The following ST3GAL3 variants were observed in gnomAD, a reference collection of about 807,000 sequenced individuals.
The protein encoded by ST3GAL3 is CMP-N-acetylneuraminate-beta-1,4-galactoside alpha-2,3-sialyltransferase.
Under a neutral mutation model 50.1 loss-of-function variants are expected in ST3GAL3, and 21 were observed. The observed-to-expected ratio is 0.42, with a 90% CI of 0.30 to 0.60. The LOEUF is 0.60. ST3GAL3 is among the 20% of genes least tolerant of loss of function. The pLI, the probability that ST3GAL3 is intolerant of heterozygous loss-of-function variation, is 0.19. For synonymous variants in ST3GAL3, 183 were observed against 190.0 expected, an observed-to-expected ratio of 0.96 and a Z score of 0.30; for missense variants, 353 against 489.4, an observed-to-expected ratio of 0.72 and a Z score of 2.63.
chr1:43,832,105 A>ATC (rs1442157576), intron 4 of ST3GAL3, among the ~76,000 whole-genome samples: 1 of 152,192 alleles, frequency 6.6e-6, no homozygotes, highest in Admixed American at 6.5e-5. Flanking sequence ...GTCACAGCAG[A>ATC]TCTCTGGTGG....
chr1:43,778,644 CT>C (rs35726867), intron 2 of ST3GAL3, among the ~76,000 whole-genome samples: 24,444 of 117,768 alleles, frequency 0.21, 818 homozygotes, highest in Middle Eastern at 0.25. Context: ...TTCTTTTTTT[CT>C]TTTTTTTTTT....
Position 43,811,076 on chromosome 1 carries a change from G to C in ST3GAL3, c.167-3815G>C, listed in dbSNP as rs568716496. On this transcript the variant is annotated intron_variant, in intron 3 of 11. Coordinates refer to ENST00000347631, the MANE Select transcript of ST3GAL3 (RefSeq NM_006279.5). Reference sequence around the variant, plus strand: ...AGACATCTTCATTTTGTCTCCTACTGTTCCCTTAAAATGTTTTCATGTCTT... The same window carrying C: ...AGACATCTTCATTTTGTCTCCTACTCTTCCCTTAAAATGTTTTCATGTCTT... Among the ~76,000 whole-genome samples the C allele has an allele frequency of 2.0e-4, 31 of 152,264 alleles. No individual in the cohort carries two copies. The South Asian group carries it at 5.6e-3, about 28-fold the overall frequency.
chr1:43,844,283 C>T lies in ST3GAL3; in HGVS notation c.302+5972C>T, dbSNP rs115765422. On this transcript the variant is annotated intron_variant, in intron 5 of 11. Coordinates refer to ENST00000347631, the MANE Select transcript of ST3GAL3 (RefSeq NM_006279.5). ...CAACCTTCAGCCCTTTTCCCATCCC[C>T]GAGGTCAGAGGGTGAGACTGAAAGT... 1.1e-3 allele frequency among the ~76,000 whole-genome samples: 167 copies of T among 152,288 alleles called. 2 individuals carry two copies. Among genetic ancestry groups the T allele is most frequent in the African/African-American group, 3.8e-3 (156 of 41,566 alleles).
chr1:43,738,102 T>C (rs908528778), intron 2 of ST3GAL3: 1 of 152,060 alleles, frequency 6.6e-6, no homozygotes, highest in African/African-American at 2.4e-5. Context: ...ATATTCTACC[T>C]GGTAAAAAGA....
At chr1:43,768,893 A>G (rs1458093399) in intron 2 of ST3GAL3, among the ~76,000 whole-genome samples, 1 of 152,152 alleles carries the variant, frequency 6.6e-6, no homozygotes, top group Non-Finnish European at 1.5e-5. Flanking sequence ...CTCCTTACTC[A>G]TTTTTTTGAG....
chr1:43,718,224 C>G (rs1223707158), intron 1 of ST3GAL3, among the ~76,000 whole-genome samples: 4 of 115,412 alleles, frequency 3.5e-5, no homozygotes, highest in Non-Finnish European at 6.7e-5. Context: ...GAGTCTTGCT[C>G]TGTCGCCCAG....
intron 2 of ST3GAL3, among the ~76,000 whole-genome samples, chr1:43,780,575 A>G (rs1379924552): frequency 1.3e-5 from 2 of 151,892 alleles, no homozygotes; most frequent in African/African-American, 4.8e-5. Context: ...CTTGTCCTTT[A>G]ATCTTTTAAA....
chr1:43,856,530 G>A (rs2068417256), intron 5 of ST3GAL3, among the ~76,000 whole-genome samples: 2 of 152,190 alleles, frequency 1.3e-5, no homozygotes, highest in South Asian at 4.1e-4. Context: ...TACCTGCTGT[G>A]TTGAAATCCT....
chr1:43,895,692 CTG>C (rs1310730374), intron 6 of ST3GAL3, among the ~76,000 whole-genome samples: 1 of 152,202 alleles, frequency 6.6e-6, no homozygotes, highest in Non-Finnish European at 1.5e-5. Context: ...AGGAAAAACA[CTG>C]TTGAACTGGC....
intron 4 of ST3GAL3, 65 bp downstream of exon 4, chr1:43,814,998 T>C: frequency 6.7e-7 from 1 of 1,494,876 alleles, no homozygotes; most frequent in African/African-American, 1.4e-5. Context: ...GGGTCTCACT[T>C]TGAAGGGTCA....
intron 4 of ST3GAL3, among the ~76,000 whole-genome samples, chr1:43,831,098 G>T: frequency 6.6e-6 from 1 of 152,208 alleles, no homozygotes; most frequent in East Asian, 1.9e-4. Flanking sequence ...AAGGAAACCA[G>T]TTGTGTCTTA....
chr1:43,805,475 G>T (rs532821270), intron 3 of ST3GAL3, among the ~76,000 whole-genome samples: 1 of 152,338 alleles, frequency 6.6e-6, no homozygotes, highest in African/African-American at 2.4e-5. Flanking sequence ...TTCTGGAAGG[G>T]CTGGAGAGCA....
chr1:43,784,337 C>T (rs1225686552), intron 2 of ST3GAL3, among the ~76,000 whole-genome samples: 2 of 151,946 alleles, frequency 1.3e-5, no homozygotes, highest in East Asian at 1.9e-4. Flanking sequence ...GGTGAAACCC[C>T]GTCTGTACTA....
chr1:43,720,826 T>C (rs1337601566), intron 1 of ST3GAL3, among the ~76,000 whole-genome samples: 1 of 152,164 alleles, frequency 6.6e-6, no homozygotes, highest in African/African-American at 2.4e-5. Context: ...AATGTATACG[T>C]GAATGTTCAT....
rs1558075763 is a variant in ST3GAL3, at chr1:43,737,591, G to T, written c.118+1211G>T. The T allele has an allele frequency of 6.6e-6, 1 of 152,116 alleles. No individual in the cohort carries two copies. Among genetic ancestry groups the T allele is most frequent in the African/African-American group, 2.4e-5 (1 of 41,422 alleles). The allele number at this position is 152,116 out of a possible 1,614,324, so 9.4% of individuals were successfully genotyped here. ...TTCAAAAGTTTACTTAAATTTCTCT[G>T]CACTGACTTATTTTTAAAACCAAGG... On this transcript the variant is annotated intron_variant, in intron 2 of 11. Coordinates refer to ENST00000347631, the MANE Select transcript of ST3GAL3 (RefSeq NM_006279.5). The surrounding 1 kb of genome is among the most constrained non-coding windows in gnomAD (Gnocchi z 4.0).
chr1:43,901,383 T>A (rs1280912393), intron 9 of ST3GAL3, among the ~76,000 whole-genome samples: 1 of 152,166 alleles, frequency 6.6e-6, no homozygotes, highest in East Asian at 1.9e-4. Context: ...TACTTCCCAC[T>A]GGACAGACTG....
intron 1 of ST3GAL3, among the ~76,000 whole-genome samples, chr1:43,729,369 C>G (rs1270774035): frequency 6.6e-6 from 1 of 152,126 alleles, no homozygotes. Context: ...TGTGAGCCAC[C>G]ATGCCTGGTT....
At chr1:43,834,569 C>G (rs182604693) in intron 4 of ST3GAL3, among the ~76,000 whole-genome samples, 120 of 152,268 alleles carry the variant, frequency 7.9e-4, no homozygotes, top group African/African-American at 2.8e-3. Context: ...TAAGACACTT[C>G]GTTGACCACA....
At chr1:43,871,540 TGGGGTGTGTGG>T (rs2072762721) in intron 5 of ST3GAL3, among the ~76,000 whole-genome samples, 1 of 23,988 alleles carries the variant, frequency 4.2e-5, no homozygotes. Flanking sequence ...AGGGAGAGGA[TGGGGTGTGTGG>T]GAGAGGCTGG....
Sources: gnomAD v4.1 joint callset for allele counts (sites outside exome capture counted in the v4.1 genomes callset) on GRCh38, gnomAD v4.1.1 for gene constraint, Gnocchi (gnomAD v3.1) non-coding constraint, MANE v1.5 for transcripts, NCBI Gene and HGNC (gene_info 2026-07-23, HGNC 2026-07-21) for gene names.